Variants in HECW1 observed in about 807,000 individuals in gnomAD.
HECW1 encodes the protein E3 ubiquitin-protein ligase HECW1.
A neutral mutation model predicts 182.3 loss-of-function variants in HECW1; 61 were observed. The observed-to-expected ratio is 0.33, with a 90% CI of 0.27 to 0.41. HECW1 has a LOEUF of 0.41. Ranked by LOEUF, HECW1 falls within the 10% of genes least tolerant of loss-of-function variation. The pLI, the probability that HECW1 is intolerant of heterozygous loss-of-function variation, is 1.00. For synonymous variants in HECW1, 859 were observed against 832.6 expected (o/e 1.03, Z -0.55); for missense variants, 1,739 against 2,108.9 (o/e 0.82, Z 3.44).
At chr7:43,372,766 A>G (rs2074163526) in intron 6 of HECW1, among the ~76,000 whole-genome samples, 1 of 151,932 alleles carries the variant, frequency 6.6e-6, no homozygotes, top group African/African-American at 2.4e-5. Context: ...CTTTATCTAG[A>G]TGCTCAAACT....
chr7:43,273,743 A>T, intron 3 of HECW1, among the ~76,000 whole-genome samples: 1 of 152,232 alleles, frequency 6.6e-6, no homozygotes, highest in East Asian at 1.9e-4. Flanking sequence ...TAAGTTAAAA[A>T]AATAAGCAAA....
chr7:43,272,102 G>T (rs1283561805), intron 3 of HECW1, among the ~76,000 whole-genome samples: 1 of 151,768 alleles, frequency 6.6e-6, no homozygotes, highest in East Asian at 1.9e-4. Context: ...AGGGAAAGGA[G>T]ACCCTAATAA....
At chr7:43,410,710 G>A (rs910846566) in intron 8 of HECW1, among the ~76,000 whole-genome samples, 4 of 152,160 alleles carry the variant, frequency 2.6e-5, no homozygotes, top group Non-Finnish European at 5.9e-5. Flanking sequence ...AATAAAAAGA[G>A]TCATTTAGAT....
At chr7:43,147,036 C>T (rs1487966733) in intron 2 of HECW1, among the ~76,000 whole-genome samples, 1 of 152,206 alleles carries the variant, frequency 6.6e-6, no homozygotes, top group Non-Finnish European at 1.5e-5. Flanking sequence ...AGGAACTTGC[C>T]TCTGGCCAGC....
chr7:43,320,876 A>G, intron 5 of HECW1, 134 bp downstream of exon 5: 1 of 697,676 alleles, frequency 1.4e-6, no homozygotes, highest in East Asian at 2.7e-5. Context: ...ATTTAAAGAG[A>G]TCCTTAAAAA....
At chr7:43,304,504 T>C (rs905387765) in intron 3 of HECW1, among the ~76,000 whole-genome samples, 3 of 136,694 alleles carry the variant, frequency 2.2e-5, no homozygotes, top group Admixed American at 7.2e-5. Flanking sequence ...ATTTATTTAT[T>C]TATCGATATG....
At chr7:43,379,617 C>T (rs557296609) in intron 6 of HECW1, among the ~76,000 whole-genome samples, 1 of 152,268 alleles carries the variant, frequency 6.6e-6, no homozygotes, top group African/African-American at 2.4e-5. Context: ...ATTCCAGCCT[C>T]GAGAGTCCTC....
rs181039799 is a variant in HECW1, at chr7:43,564,610, C to T, written c.*2684C>T. ...TGAAGAAATGCTGATGTCACGGTCACCTGAAAGAAGATGAAGCTTGTAATA... is the reference window on the plus strand; with the variant it reads ...TGAAGAAATGCTGATGTCACGGTCATCTGAAAGAAGATGAAGCTTGTAATA... On this transcript the variant is annotated 3_prime_UTR_variant, in exon 30 of 30. Transcript: ENST00000395891. 6.0e-4 allele frequency: 110 copies of T among 183,056 alleles called. No individual in the cohort carries two copies. The highest frequency in any genetic ancestry group is 2.4e-3 in the African/African-American group (104 of 42,658). 11.3% of individuals were successfully genotyped at this position (183,056 alleles called of 1,614,324 possible).
At chr7:43,431,223 T>C (rs2076539847) in intron 8 of HECW1, among the ~76,000 whole-genome samples, 1 of 152,224 alleles carries the variant, frequency 6.6e-6, no homozygotes, top group Non-Finnish European at 1.5e-5. Flanking sequence ...ACTTATACCG[T>C]AGAACTTGTT....
At position 43,456,420 on chromosome 7, in the gene HECW1, T is replaced by C. The variant is rs2077405139; in HGVS notation, c.2624T>C (p.Ile875Thr). The change falls in exon 13 of 30, where the codon ATC (isoleucine) becomes ACC (threonine). Residue 875 changes from isoleucine (I) to threonine (T), a missense_variant. Coordinates refer to ENST00000395891, the MANE Select transcript of HECW1 (RefSeq NM_015052.5). ...TPDGMRRSGSIQQMEQLNRRY... is the reference protein window; with the variant it reads ...TPDGMRRSGSTQQMEQLNRRY... Reference sequence around the variant, plus strand: ...GATGGCATGCGGAGATCGGGGTCCATCCAGCAGATGGAGCAACTCAACAGG... The same window carrying C: ...GATGGCATGCGGAGATCGGGGTCCACCCAGCAGATGGAGCAACTCAACAGG... 1 of 1,613,954 alleles carries C rather than the reference T, an allele frequency of 6.2e-7. No homozygotes were observed. The highest frequency in any genetic ancestry group is 8.5e-7 in the Non-Finnish European group (1 of 1,179,948).
intron 5 of HECW1, among the ~76,000 whole-genome samples, chr7:43,347,706 C>T (rs963018208): frequency 2.0e-4 from 31 of 152,000 alleles, no homozygotes; most frequent in Admixed American, 1.2e-3. Flanking sequence ...CCTTCTGTGA[C>T]GATTTTCCTG....
intron 2 of HECW1, among the ~76,000 whole-genome samples, chr7:43,167,665 G>T (rs1487138657): frequency 6.6e-6 from 1 of 152,096 alleles, no homozygotes; most frequent in Non-Finnish European, 1.5e-5. Context: ...AAGGATGAGG[G>T]ATTGTGGCGT....
chr7:43,431,315 AT>A (rs757808494), intron 8 of HECW1, among the ~76,000 whole-genome samples: 2 of 151,918 alleles, frequency 1.3e-5, no homozygotes, highest in Non-Finnish European at 2.9e-5. Flanking sequence ...CTGTTCCTTC[AT>A]TGCTTTGGGA....
At chr7:43,147,984 C>T (rs1374739859) in intron 2 of HECW1, among the ~76,000 whole-genome samples, 1 of 152,188 alleles carries the variant, frequency 6.6e-6, no homozygotes, top group African/African-American at 2.4e-5. Flanking sequence ...CAAAGCTCAT[C>T]CCCCAAAGGC....
At chr7:43,434,619 A>T (rs954676889) in intron 8 of HECW1, among the ~76,000 whole-genome samples, 2 of 152,190 alleles carry the variant, frequency 1.3e-5, no homozygotes, top group Admixed American at 6.5e-5. Context: ...AGGACTACTC[A>T]CTAGTTCTTA....
chr7:43,343,393 A>T (rs1326048058), intron 5 of HECW1, among the ~76,000 whole-genome samples: 4 of 151,318 alleles, frequency 2.6e-5, no homozygotes, highest in Non-Finnish European at 5.9e-5. Flanking sequence ...TACATTAGGT[A>T]TTTCTCCTAA....
At chr7:43,413,115 G>A (rs1285439805) in intron 8 of HECW1, among the ~76,000 whole-genome samples, 3 of 146,098 alleles carry the variant, frequency 2.1e-5, no homozygotes, top group African/African-American at 7.6e-5. Context: ...TCCAGCACCT[G>A]TTGTTTCCTG....
At chr7:43,258,963 C>T (rs368430680) in intron 3 of HECW1, among the ~76,000 whole-genome samples, 11 of 152,014 alleles carry the variant, frequency 7.2e-5, no homozygotes, top group African/African-American at 2.4e-4. Context: ...TTTGTTTTTA[C>T]CAATTCAACT....
chr7:43,351,633 T>G (rs553514300), intron 5 of HECW1, among the ~76,000 whole-genome samples: 1 of 152,110 alleles, frequency 6.6e-6, no homozygotes, highest in Non-Finnish European at 1.5e-5. Flanking sequence ...ATCTGGAAAT[T>G]CTATGTATCT....
Sources: allele counts gnomAD v4.1 joint callset (sites outside exome capture counted in the v4.1 genomes callset), GRCh38; gene constraint gnomAD v4.1.1; transcripts MANE v1.5; gene names NCBI Gene and HGNC (gene_info 2026-07-23, HGNC 2026-07-21).